ZNF385D: variants seen among roughly 807,000 people sequenced by gnomAD.
ZNF385D encodes the protein zinc finger protein 659.
Under a neutral mutation model 35.8 loss-of-function variants are expected in ZNF385D, and 15 were observed. That is an observed-to-expected ratio of 0.42 (90% CI 0.28 to 0.64). The LOEUF (loss-of-function observed/expected upper bound fraction) is 0.64. Among genes scored for constraint, ZNF385D ranks in the 30% least tolerant of loss-of-function variants. The probability of loss-of-function intolerance (pLI) is 0.23; values close to 1 mark genes in which losing one functional copy is unlikely to be tolerated. For synonymous variants in ZNF385D, 212 were observed against 186.8 expected (o/e 1.13, Z -1.10); for missense variants, 474 against 494.6 (o/e 0.96, Z 0.39).
At chr3:21,876,074 C>A (rs1697947921) in intron 3 of ZNF385D, among the ~76,000 whole-genome samples, 1 of 151,950 alleles carries the variant, frequency 6.6e-6, no homozygotes. Context: ...TACAGTCTCC[C>A]AAAGTATTTT....
chr3:22,176,304 A>G (rs17029469), intron 2 of ZNF385D, among the ~76,000 whole-genome samples: 4,207 of 152,272 alleles, frequency 0.028, 194 homozygotes, highest in African/African-American at 0.095. Flanking sequence ...AAGATAATCT[A>G]AACTGTTTGT....
intron 3 of ZNF385D, among the ~76,000 whole-genome samples, chr3:21,852,934 C>A (rs184495218): frequency 6.6e-6 from 1 of 151,906 alleles, no homozygotes; most frequent in Non-Finnish European, 1.5e-5. Flanking sequence ...TGTTAAACAT[C>A]CAAGTCTAGA....
In ZNF385D at chr3:21,704,335, A is replaced by G. The variant is rs2067816876; in HGVS notation, c.23-39307T>C. On this transcript the variant is annotated intron_variant, in intron 1 of 7. Transcript: ENST00000281523. ...AATTCCAGATGAAAAGCCCTGCTTT[A>G]TGTGTACTTGCAACATACTGTGTAA... 4.6e-5 allele frequency among the ~76,000 whole-genome samples: 7 copies of G among 152,082 alleles called. 1 individual carries two copies. The South Asian group carries it at 1.2e-3, about 27-fold the overall frequency.
intron 1 of ZNF385D, among the ~76,000 whole-genome samples, chr3:21,748,491 A>G (rs2069891899): frequency 6.6e-6 from 1 of 152,190 alleles, no homozygotes; most frequent in Non-Finnish European, 1.5e-5. Context: ...CCGCTTTCAT[A>G]TCAATTCACC....
At chr3:22,024,338 G>C (rs1166374903) in intron 3 of ZNF385D, among the ~76,000 whole-genome samples, 1 of 151,942 alleles carries the variant, frequency 6.6e-6, no homozygotes, top group African/African-American at 2.4e-5. Context: ...TGTATGATAG[G>C]ATACCTATAT....
intron 4 of ZNF385D, among the ~76,000 whole-genome samples, chr3:21,444,335 C>G (rs534192409): frequency 4.6e-5 from 7 of 150,706 alleles, no homozygotes; most frequent in African/African-American, 1.7e-4. Flanking sequence ...CCACCTTGGT[C>G]TCCAAAAGTG....
chr3:21,695,196 T>C (rs1226564266), intron 1 of ZNF385D, among the ~76,000 whole-genome samples: 1 of 152,148 alleles, frequency 6.6e-6, no homozygotes. Flanking sequence ...AAAAGCAGAG[T>C]CAGACATCCA....
chr3:21,459,212 T>C (rs380256), intron 4 of ZNF385D: 26,504 of 152,192 alleles, frequency 0.17, 2,457 homozygotes, highest in Middle Eastern at 0.21. Context: ...TGACTCAAGG[T>C]GCAACACAAA....
chr3:21,589,824 T>TA (rs999477981), intron 2 of ZNF385D, among the ~76,000 whole-genome samples: 2 of 152,032 alleles, frequency 1.3e-5, no homozygotes, highest in African/African-American at 4.8e-5. Context: ...TACATACATT[T>TA]AAAAAAATGT....
At chr3:21,526,879 T>C (rs1035788761) in intron 3 of ZNF385D, among the ~76,000 whole-genome samples, 2 of 152,214 alleles carry the variant, frequency 1.3e-5, no homozygotes, top group Admixed American at 6.5e-5. Flanking sequence ...CTGAGCACTA[T>C]TATCTTATTT....
chr3:21,735,377 C>T (rs1323800262), intron 1 of ZNF385D, among the ~76,000 whole-genome samples: 4 of 152,088 alleles, frequency 2.6e-5, no homozygotes, highest in Non-Finnish European at 4.4e-5. Flanking sequence ...CCTATTTGTG[C>T]CACTCACTAC....
intron 4 of ZNF385D, among the ~76,000 whole-genome samples, chr3:21,480,974 A>T (rs187701212): frequency 1.3e-5 from 2 of 152,278 alleles, no homozygotes; most frequent in African/African-American, 4.8e-5. Context: ...ATAATCTTTA[A>T]ACATTTATTT....
chr3:21,893,477 G>C (rs1043621476), intron 3 of ZNF385D, among the ~76,000 whole-genome samples: 3 of 152,098 alleles, frequency 2.0e-5, no homozygotes, highest in East Asian at 1.9e-4. Flanking sequence ...GCAAAGATGA[G>C]TCATGATCTC....
intron 3 of ZNF385D, among the ~76,000 whole-genome samples, chr3:22,002,880 C>G (rs1314694545): frequency 6.6e-6 from 1 of 152,126 alleles, no homozygotes; most frequent in Non-Finnish European, 1.5e-5. Flanking sequence ...AACATCCCTT[C>G]ATGATAAAAC....
intron 1 of ZNF385D, among the ~76,000 whole-genome samples, chr3:21,746,007 A>G (rs550626040): frequency 6.6e-6 from 1 of 152,326 alleles, no homozygotes; most frequent in East Asian, 1.9e-4. Flanking sequence ...CTATGACTGA[A>G]GTACAATATT....
At chr3:21,542,139 A>T (rs2062194330) in intron 3 of ZNF385D, among the ~76,000 whole-genome samples, 1 of 152,182 alleles carries the variant, frequency 6.6e-6, no homozygotes, top group Admixed American at 6.5e-5. Context: ...GGTCATGCTC[A>T]AGTCTAATTG....
intron 2 of ZNF385D, among the ~76,000 whole-genome samples, chr3:22,330,923 A>G (rs920715674): frequency 6.6e-6 from 1 of 152,178 alleles, no homozygotes; most frequent in Non-Finnish European, 1.5e-5. Flanking sequence ...CATCAGCCCA[A>G]CTTTTGACTT....
intron 3 of ZNF385D, among the ~76,000 whole-genome samples, chr3:21,782,092 C>G (rs2071512445): frequency 6.6e-6 from 1 of 152,036 alleles, no homozygotes; most frequent in East Asian, 1.9e-4. Context: ...ACTTGGAAGC[C>G]CTCTCATCAT....
At chr3:22,319,664 C>T (rs1193737859) in intron 2 of ZNF385D, among the ~76,000 whole-genome samples, 1 of 152,090 alleles carries the variant, frequency 6.6e-6, no homozygotes, top group Non-Finnish European at 1.5e-5. Flanking sequence ...ACAATCTCCT[C>T]CTGTGAAAAG....
Sources: allele counts gnomAD v4.1 joint callset (sites outside exome capture counted in the v4.1 genomes callset), GRCh38; gene constraint gnomAD v4.1.1; transcripts MANE v1.5; gene names NCBI Gene and HGNC (gene_info 2026-07-23, HGNC 2026-07-21).